Variants in C3orf49 observed in about 807,000 individuals in gnomAD.
C3orf49 encodes the protein chromosome 3 open reading frame 49, also known as putative uncharacterized protein C3orf49.
Under a neutral mutation model 13.3 loss-of-function variants are expected in C3orf49, and 27 were observed. That is an observed-to-expected ratio of 2.02 (90% CI 1.49 to 2.79). The LOEUF (loss-of-function observed/expected upper bound fraction) is 2.79, where lower values mean the gene tolerates loss of function less well. C3orf49 is among the 30% of genes most tolerant of loss of function. The pLI is 0.00. For missense variants in C3orf49, 242 were observed against 134.2 expected (o/e 1.80, Z -3.97); for synonymous variants, 87 against 47.6 (o/e 1.83, Z -3.40).
At chr3:63,798,528 T>C in the C3orf49 span, among the ~76,000 whole-genome samples, 1 of 152,164 alleles carries the variant, frequency 6.6e-6, no homozygotes, top group Admixed American at 6.6e-5. Flanking sequence ...GCCTATCACA[T>C]AATAAACACT....
chr3:63,806,052 C>T, the C3orf49 span, among the ~76,000 whole-genome samples: 1 of 152,172 alleles, frequency 6.6e-6, no homozygotes. Context: ...TACAACTCTG[C>T]CTGGAGAGCA....
intron 2 of C3orf49, 103 bp downstream of exon 2, chr3:63,823,672 G>A: frequency 1.6e-6 from 1 of 609,164 alleles, no homozygotes; most frequent in South Asian, 2.0e-5. Context: ...TGAGGAGCTT[G>A]TCTGAAATGC....
chr3:63,835,318 G>A (rs759751230), intron 5 of C3orf49: 9 of 1,613,174 alleles, frequency 5.6e-6, no homozygotes, highest in African/African-American at 2.7e-5. Context: ...ATATATATGC[G>A]AATACCTTAT....
intron 5 of C3orf49, chr3:63,838,162 T>C: frequency 1.8e-6 from 2 of 1,136,304 alleles, no homozygotes; most frequent in Admixed American, 2.5e-5. Context: ...GGTAACAAAA[T>C]AGACACTAGT....
intron 6 of C3orf49, among the ~76,000 whole-genome samples, chr3:63,847,668 C>A (rs1183373693): frequency 2.0e-5 from 3 of 152,044 alleles, no homozygotes; most frequent in Non-Finnish European, 2.9e-5. Context: ...ACCCAGGAGG[C>A]AGAGGTTGCA....
chr3:63,838,029 G>C, intron 5 of C3orf49: 1 of 1,608,802 alleles, frequency 6.2e-7, no homozygotes, highest in African/African-American at 1.3e-5. Flanking sequence ...TTTGCACTCA[G>C]CAATTTTTTC....
the C3orf49 span, among the ~76,000 whole-genome samples, chr3:63,796,302 A>G: frequency 1.3e-5 from 2 of 152,254 alleles, no homozygotes; most frequent in African/African-American, 4.8e-5. Flanking sequence ...CACACACAAG[A>G]TAGTTTGATC....
intron 2 of C3orf49, among the ~76,000 whole-genome samples, chr3:63,825,370 G>A (rs1255110595): frequency 6.6e-6 from 1 of 151,884 alleles, no homozygotes; most frequent in Non-Finnish European, 1.5e-5. Context: ...AACAAACTCT[G>A]TGTTCTGGAA....
At chr3:63,824,880 G>T (rs1436307989) in intron 2 of C3orf49, among the ~76,000 whole-genome samples, 1 of 149,282 alleles carries the variant, frequency 6.7e-6, no homozygotes, top group African/African-American at 2.5e-5. Flanking sequence ...TATTTTTATA[G>T]CACTTTTATA....
intron 6 of C3orf49, among the ~76,000 whole-genome samples, chr3:63,845,285 C>T (rs568449247): frequency 6.6e-6 from 1 of 152,282 alleles, no homozygotes; most frequent in African/African-American, 2.4e-5. Flanking sequence ...TGTACTGTGG[C>T]AGGGCACATG....
At chr3:63,813,080 C>G in the C3orf49 span, among the ~76,000 whole-genome samples, 1 of 152,200 alleles carries the variant, frequency 6.6e-6, no homozygotes, top group African/African-American at 2.4e-5. Flanking sequence ...TACCTCCTTA[C>G]CTGCGCGTCG....
Position 63,841,524 on chromosome 3 carries a change from G to A in C3orf49, c.850-3499G>A, listed in dbSNP as rs73831961. ...GGCAGAAGTATTTTTGAGCGCAGGT[G>A]CAGCGGAGATAAACTTTGGAAGGCA... On this transcript the variant is annotated intron_variant, in intron 5 of 6. Coordinates refer to ENST00000295896, the MANE Select transcript of C3orf49 (RefSeq NM_001355236.2). Among the ~76,000 whole-genome samples the A allele has an allele frequency of 5.1e-3, 779 of 152,310 alleles. 5 individuals are homozygous for A. Among genetic ancestry groups the A allele is most frequent in the African/African-American group, 0.018 (741 of 41,564 alleles).
At chr3:63,782,510 G>A in the C3orf49 span, 1 of 152,162 alleles carries the variant, frequency 6.6e-6, no homozygotes, top group Non-Finnish European at 1.5e-5. Flanking sequence ...CAGTCCTCCA[G>A]AGTCAACACT....
At chr3:63,780,031 G>GCA in the C3orf49 span, 4 of 152,070 alleles carry the variant, frequency 2.6e-5, no homozygotes, top group African/African-American at 9.7e-5. Context: ...GGGTACATGT[G>GCA]CACAATGTGC....
the C3orf49 span, among the ~76,000 whole-genome samples, chr3:63,793,849 A>G: frequency 6.6e-6 from 1 of 152,132 alleles, no homozygotes; most frequent in Non-Finnish European, 1.5e-5. Context: ...GCTTGGGACA[A>G]ATAAGCGCTC....
At chr3:63,813,853 C>T in the C3orf49 span, among the ~76,000 whole-genome samples, 1 of 152,208 alleles carries the variant, frequency 6.6e-6, no homozygotes, top group Non-Finnish European at 1.5e-5. Context: ...CTCCCAAATC[C>T]TGGTAAAACT....
At chr3:63,795,314 A>T in the C3orf49 span, among the ~76,000 whole-genome samples, 1 of 152,210 alleles carries the variant, frequency 6.6e-6, no homozygotes, top group East Asian at 1.9e-4. Context: ...ATTTGAACCC[A>T]AGAAGATCCT....
intron 1 of C3orf49, 146 bp from the exon 2 acceptor site, chr3:63,823,104 T>C (rs1701419523): frequency 1.7e-6 from 1 of 577,752 alleles, no homozygotes; most frequent in East Asian, 2.8e-5. Context: ...TTTATTTTTC[T>C]GTGATTTGAT....
chr3:63,784,215 A>G, the C3orf49 span, among the ~76,000 whole-genome samples: 1 of 152,250 alleles, frequency 6.6e-6, no homozygotes, highest in Non-Finnish European at 1.5e-5. Flanking sequence ...AGAAAAAGGA[A>G]AGATTTAGTT....
Sources: allele counts gnomAD v4.1 joint callset (sites outside exome capture counted in the v4.1 genomes callset), GRCh38; gene constraint gnomAD v4.1.1; transcripts MANE v1.5; gene names NCBI Gene and HGNC (gene_info 2026-07-23, HGNC 2026-07-21).